The following SPEN variants were observed in gnomAD, a reference collection of about 807,000 sequenced individuals.
SPEN encodes the protein msx2-interacting protein.
SPEN carries 18 observed loss-of-function variants against 269.9 expected under a neutral mutation model. The observed-to-expected ratio is 0.07, with a 90% CI of 0.05 to 0.10. SPEN has a LOEUF of 0.10. Among genes scored for constraint, SPEN ranks in the 10% least tolerant of loss-of-function variants. The pLI is 1.00. For synonymous variants in SPEN, 1,726 were observed against 1,765.7 expected (o/e 0.98, Z 0.56); for missense variants, 3,822 against 4,631.2 (o/e 0.83, Z 5.07).
chr1:15,857,706 G>A (rs1243757282), intron 1 of SPEN, among the ~76,000 whole-genome samples: 1 of 151,692 alleles, frequency 6.6e-6, no homozygotes, highest in African/African-American at 2.4e-5. Flanking sequence ...TTCTACCCAG[G>A]TTGGAGTGTA....
chr1:15,918,966 C>A lies in SPEN; in HGVS notation c.1436C>A (p.Ala479Glu). The A allele has an allele frequency of 6.2e-7, 1 of 1,607,650 alleles. No individual in the cohort carries two copies. The highest frequency in any genetic ancestry group is 8.5e-7 in the Non-Finnish European group (1 of 1,175,650). ...IKKVNGVPQY[A>E]FLQYCDIASV... ...AAAGTAAATGGAGTTCCTCAGTATG[C>A]GTTTCTGCAATACTGTGATATTGCT... Residue 479 changes from alanine to glutamate, a missense_variant, in exon 7 of 15, where the codon GCG becomes GAG. Coordinates refer to ENST00000375759, the MANE Select transcript of SPEN (RefSeq NM_015001.3).
At chr1:15,922,217 C>T in intron 9 of SPEN, 32 bp from the exon 10 acceptor site, 1 of 1,483,028 alleles carries the variant, frequency 6.7e-7, no homozygotes. Flanking sequence ...AAATTTGAAA[C>T]TTGCATCAAA....
At chr1:15,922,715 T>C (rs1338195069) in intron 10 of SPEN, among the ~76,000 whole-genome samples, 2 of 152,130 alleles carry the variant, frequency 1.3e-5, no homozygotes, top group Non-Finnish European at 1.5e-5. Context: ...CTCTGCCTTA[T>C]AGGCTCAAGT....
intron 1 of SPEN, among the ~76,000 whole-genome samples, chr1:15,858,573 G>A (rs1220763097): frequency 6.6e-6 from 1 of 152,178 alleles, no homozygotes. Context: ...ATCACGTAAA[G>A]ATGCATTTCT....
chr1:15,898,992 G>GT (rs1187692348), intron 3 of SPEN, among the ~76,000 whole-genome samples: 1 of 152,092 alleles, frequency 6.6e-6, no homozygotes, highest in Non-Finnish European at 1.5e-5. Context: ...TGCTATGAAT[G>GT]TGAGTGTACA....
At chr1:15,882,256 AT>A (rs1448700984) in intron 3 of SPEN, among the ~76,000 whole-genome samples, 1 of 152,160 alleles carries the variant, frequency 6.6e-6, no homozygotes, top group East Asian at 1.9e-4. Context: ...AACATTTTAA[AT>A]GCGTAAATTC....
rs926794473 is a variant in SPEN at position 15,919,500 on chromosome 1, T to C, written c.1618T>C (p.Tyr540His). 1.1e-5 allele frequency: 18 copies of C among 1,601,322 alleles called. No individual in the cohort carries two copies. Among genetic ancestry groups the C allele is most frequent in the Admixed American group, 7.2e-5 (4 of 55,432 alleles). ...GTATTTAACACGACATTTCTGCCGATATGGGCCTGTGGTAAAGGTAGGCGG... is the reference window on the plus strand; with the variant it reads ...GTATTTAACACGACATTTCTGCCGACATGGGCCTGTGGTAAAGGTAGGCGG... ...DQYLTRHFCRYGPVVKVVFDR... is the reference protein window; with the variant it reads ...DQYLTRHFCRHGPVVKVVFDR... The change falls in exon 8 of 15, where the codon TAT becomes CAT. Residue 540 changes from tyrosine (Y) to histidine (H), a missense_variant. This residue lies in a region of SPEN where 230 missense variants were observed against 426.1 expected (regional missense o/e 0.54). Coordinates refer to ENST00000375759, the MANE Select transcript of SPEN (RefSeq NM_015001.3).
At chr1:15,882,037 G>A (rs1217497179) in intron 3 of SPEN, among the ~76,000 whole-genome samples, 1 of 151,844 alleles carries the variant, frequency 6.6e-6, no homozygotes, top group African/African-American at 2.4e-5. Context: ...GATTGCTAGT[G>A]GGGTATTTCA....
intron 5 of SPEN, 97 bp from the exon 6 acceptor site, chr1:15,916,031 A>T: frequency 1.1e-5 from 15 of 1,377,590 alleles, no homozygotes; most frequent in Non-Finnish European, 1.5e-5. Context: ...CCATTATTTC[A>T]GACATTTTGT....
chr1:15,871,486 G>A (rs2070574596), intron 1 of SPEN, among the ~76,000 whole-genome samples: 1 of 152,006 alleles, frequency 6.6e-6, no homozygotes, highest in South Asian at 2.1e-4. Context: ...GATTACAGAT[G>A]TGTACTACCA....
chr1:15,848,199 C>G lies in SPEN; in HGVS notation c.83+49C>G. The G allele has an allele frequency of 7.6e-7, 1 of 1,311,394 alleles. No individual in the cohort carries two copies. The highest frequency in any genetic ancestry group is 1.0e-6 in the Non-Finnish European group (1 of 977,972). 81.2% of individuals were successfully genotyped at this position (1,311,394 alleles called of 1,614,324 possible). Reference sequence around the variant, plus strand: ...CGCGCTCGCTCCTCGGGCGCCGCTTCCCGCCCCGGCCCGTTGCCGGCCCCT... The same window carrying G: ...CGCGCTCGCTCCTCGGGCGCCGCTTGCCGCCCCGGCCCGTTGCCGGCCCCT... On this transcript the variant is annotated intron_variant, in intron 1 of 14. Transcript: ENST00000375759. This position sits in a 1 kb window ranked among gnomAD's most constrained non-coding sequence, Gnocchi z 5.1.
intron 3 of SPEN, among the ~76,000 whole-genome samples, chr1:15,887,344 G>A (rs1022950493): frequency 3.0e-5 from 4 of 134,116 alleles, no homozygotes; most frequent in Non-Finnish European, 3.0e-5. Flanking sequence ...GCAGTGGCAC[G>A]ATCTCAGCTC....
intron 1 of SPEN, among the ~76,000 whole-genome samples, chr1:15,864,040 G>A (rs2070472674): frequency 2.6e-5 from 4 of 152,136 alleles, no homozygotes; most frequent in Admixed American, 2.6e-4. Context: ...TACAACATTT[G>A]AAGACACTAT....
In SPEN at chr1:15,939,183, G is replaced by C; in HGVS notation, c.10864-113G>C. On this transcript the variant is annotated intron_variant, in intron 14 of 14. Transcript: ENST00000375759. The surrounding 1 kb of genome is among the most constrained non-coding windows in gnomAD (Gnocchi z 4.1). ...ATAGTCCTGGCACATTTGCTGGTTGGGGACTGATTTGGCCTGGCTCTTAGC... is the reference window on the plus strand; with the variant it reads ...ATAGTCCTGGCACATTTGCTGGTTGCGGACTGATTTGGCCTGGCTCTTAGC... The C allele has an allele frequency of 7.2e-7, 1 of 1,392,668 alleles. No homozygotes were observed. The highest frequency in any genetic ancestry group is 1.5e-5 in the South Asian group (1 of 66,658). The allele number at this position is 1,392,668 out of a possible 1,614,324, so 86.3% of individuals were successfully genotyped here.
intron 6 of SPEN, 118 bp downstream of exon 6, chr1:15,916,397 G>A: frequency 2.7e-6 from 3 of 1,093,630 alleles, no homozygotes; most frequent in Non-Finnish European, 3.8e-6. Flanking sequence ...ATTGTTGTGT[G>A]CTTTTAGCTC....
intron 2 of SPEN, chr1:15,874,527 G>A (rs943885635): frequency 1.7e-6 from 1 of 572,866 alleles, no homozygotes; most frequent in African/African-American, 2.0e-5. Context: ...TTTCAGCTCT[G>A]CTAGCTCTTG....
intron 10 of SPEN, among the ~76,000 whole-genome samples, chr1:15,924,584 C>T (rs954185051): frequency 6.6e-6 from 1 of 152,124 alleles, no homozygotes; most frequent in Admixed American, 6.5e-5. Flanking sequence ...CCTCGGGCTC[C>T]AGAGTAGCTG....
At chr1:15,864,866 G>A (rs891092749) in intron 1 of SPEN, among the ~76,000 whole-genome samples, 1 of 151,518 alleles carries the variant, frequency 6.6e-6, no homozygotes, top group Admixed American at 6.6e-5. Context: ...TAGTAGAGAA[G>A]GGGGTAGGGT....
Position 15,935,036 on chromosome 1 carries a change from C to T in SPEN, c.8796C>T (p.Leu2932=), listed in dbSNP as rs2071260497. ...CCCAGGGAGGCACAGTGAAGGTTCT[C>T]ACCCAGGGGATCAACACACCCCCTG... ...PVTQGGTVKV[L]TQGINTPPVL... Residue 2932 remains leucine, a synonymous_variant, in exon 11 of 15, where the codon CTC becomes CTT. Coordinates refer to ENST00000375759, the MANE Select transcript of SPEN (RefSeq NM_015001.3). This position sits in a 1 kb window ranked among gnomAD's most constrained non-coding sequence, Gnocchi z 7.7. The T allele has an allele frequency of 1.9e-6, 3 of 1,614,062 alleles. No individual in the cohort carries two copies. In the African/African-American group the frequency reaches 4.0e-5, roughly 22 times the overall value.
Sources: allele counts gnomAD v4.1 joint callset (sites outside exome capture counted in the v4.1 genomes callset), GRCh38; gene constraint gnomAD v4.1.1; regional missense constraint gnomAD v4.1.1; non-coding constraint Gnocchi (gnomAD v3.1); transcripts MANE v1.5; gene names NCBI Gene and HGNC (gene_info 2026-07-23, HGNC 2026-07-21).